CNBD1: variants seen among roughly 807,000 people sequenced by gnomAD.
The protein encoded by CNBD1 is cyclic nucleotide binding domain containing 1, also known as cyclic nucleotide-binding domain-containing protein 1.
Under a neutral mutation model 54.4 loss-of-function variants are expected in CNBD1, and 71 were observed. The ratio of observed to expected loss-of-function variants is 1.30; its 90% CI spans 1.08 to 1.59. The LOEUF (loss-of-function observed/expected upper bound fraction) is 1.59, where lower values mean the gene tolerates loss of function less well. Ranked by LOEUF, CNBD1 falls within the 40% of genes most tolerant of loss-of-function variation. CNBD1 has a pLI of 0.00. For missense variants in CNBD1, 659 were observed against 518.0 expected (o/e 1.27, Z -2.64); for synonymous variants, 182 against 170.7 (o/e 1.07, Z -0.51).
intron 4 of CNBD1, among the ~76,000 whole-genome samples, chr8:87,171,384 T>C (rs1813082420): frequency 6.6e-6 from 1 of 152,062 alleles, no homozygotes; most frequent in South Asian, 2.1e-4. Flanking sequence ...TTTTTATCTT[T>C]GATTTTATTT....
intron 4 of CNBD1, among the ~76,000 whole-genome samples, chr8:87,050,483 AAGAG>A (rs1024841678): frequency 6.6e-6 from 1 of 152,214 alleles, no homozygotes; most frequent in Non-Finnish European, 1.5e-5. Flanking sequence ...TGAGACAACT[AAGAG>A]AGATCTCTCA....
chr8:87,418,305 G>T (rs6468821), intron 2 of CNBD1, among the ~76,000 whole-genome samples: 2 of 151,608 alleles, frequency 1.3e-5, no homozygotes, highest in Admixed American at 6.6e-5. Flanking sequence ...TGAGACAACC[G>T]AATATTCACA....
At chr8:87,378,583 A>G (rs1375578176) in intron 10 of CNBD1, among the ~76,000 whole-genome samples, 1 of 149,880 alleles carries the variant, frequency 6.7e-6, no homozygotes, top group East Asian at 1.9e-4. Flanking sequence ...GAAGTCAGGT[A>G]GTGTGATGCC....
chr8:87,053,683 C>T (rs1810357192), intron 4 of CNBD1, among the ~76,000 whole-genome samples: 1 of 152,196 alleles, frequency 6.6e-6, no homozygotes, highest in East Asian at 1.9e-4. Flanking sequence ...AAGTCCCTAG[C>T]TCTCTGCTGG....
intron 3 of CNBD1, among the ~76,000 whole-genome samples, chr8:86,923,391 G>C (rs1197364144): frequency 6.6e-6 from 1 of 152,196 alleles, no homozygotes; most frequent in East Asian, 1.9e-4. Context: ...GTGGAAGGGA[G>C]GGTTGTAGGG....
intron 6 of CNBD1, among the ~76,000 whole-genome samples, chr8:87,282,708 A>G (rs920824876): frequency 7.9e-5 from 12 of 152,028 alleles, no homozygotes; most frequent in Non-Finnish European, 1.8e-4. Context: ...GAAAGCCTTA[A>G]TATTATTCAA....
At chr8:87,424,255 T>G (rs904733856) in intron 2 of CNBD1, among the ~76,000 whole-genome samples, 1 of 151,922 alleles carries the variant, frequency 6.6e-6, no homozygotes, top group Non-Finnish European at 1.5e-5. Flanking sequence ...TTTTGAAGGG[T>G]TTTTTGTGTC....
chr8:87,188,152 C>T (rs1429392826), intron 4 of CNBD1, among the ~76,000 whole-genome samples: 1 of 152,176 alleles, frequency 6.6e-6, no homozygotes, highest in Non-Finnish European at 1.5e-5. Flanking sequence ...CCACTGCCAA[C>T]TTATTCTTCA....
downstream of CNBD1, among the ~76,000 whole-genome samples, chr8:87,384,706 G>A (rs145826281): frequency 6.6e-6 from 1 of 152,260 alleles, no homozygotes; most frequent in Non-Finnish European, 1.5e-5. Flanking sequence ...AATGGGCATG[G>A]CTCCAGGTAT....
chr8:87,360,535 G>T (rs1005114288), intron 10 of CNBD1, among the ~76,000 whole-genome samples: 1 of 151,742 alleles, frequency 6.6e-6, no homozygotes, highest in Non-Finnish European at 1.5e-5. Flanking sequence ...TCCAGATGCA[G>T]AGCTTATTAC....
chr8:86,993,840 G>A (rs1192199333), intron 4 of CNBD1, among the ~76,000 whole-genome samples: 1 of 152,228 alleles, frequency 6.6e-6, no homozygotes, highest in Non-Finnish European at 1.5e-5. Context: ...TGCATTAACA[G>A]CCATGCTCTT....
At chr8:86,955,989 T>C (rs1402933530) in intron 4 of CNBD1, among the ~76,000 whole-genome samples, 1 of 152,160 alleles carries the variant, frequency 6.6e-6, no homozygotes, top group Non-Finnish European at 1.5e-5. Flanking sequence ...CTTTAATCCA[T>C]CTTGAATTAA....
Position 87,323,960 on chromosome 8 carries a change from A to G in CNBD1, c.1043-27725A>G, listed in dbSNP as rs1469599425. Among the ~76,000 whole-genome samples, 6 of 138,480 alleles carry G rather than the reference A, an allele frequency of 4.3e-5. No individual in the cohort carries two copies. In the East Asian group the frequency reaches 1.2e-3, roughly 28 times the overall value. The allele number at this position is 138,480 out of a possible 152,430, so 90.8% of individuals were successfully genotyped here. A position where few individuals can be genotyped will look rare whatever the true frequency, so the allele number is the denominator to read the frequency against. On this transcript the variant is annotated intron_variant, in intron 8 of 10. Transcript: ENST00000518476. ...GGGTTTGCCATAGATAGCTCTTATT[A>G]TTTTGAAATACGTCCCATCAATACC...
At chr8:86,962,843 C>T (rs1345431138) in intron 4 of CNBD1, among the ~76,000 whole-genome samples, 1 of 151,980 alleles carries the variant, frequency 6.6e-6, no homozygotes, top group Non-Finnish European at 1.5e-5. Context: ...CTGGCAAGAA[C>T]CTTTACCCTT....
chr8:86,960,608 C>G (rs1393666522), intron 4 of CNBD1, among the ~76,000 whole-genome samples: 2 of 152,198 alleles, frequency 1.3e-5, no homozygotes, highest in Non-Finnish European at 2.9e-5. Context: ...ACTTAAACGT[C>G]CCTGTCTGAC....
chr8:87,025,212 C>G (rs1395907768), intron 4 of CNBD1, among the ~76,000 whole-genome samples: 1 of 152,078 alleles, frequency 6.6e-6, no homozygotes, highest in Admixed American at 6.5e-5. Flanking sequence ...TAAAATGGAC[C>G]AATCAGCGCT....
chr8:87,080,675 T>C (rs1278610475), intron 4 of CNBD1, among the ~76,000 whole-genome samples: 1 of 152,218 alleles, frequency 6.6e-6, no homozygotes, highest in Non-Finnish European at 1.5e-5. Context: ...TTTGCCAGTG[T>C]TGTGAACTTG....
At chr8:87,232,036 C>T (rs746623710) in intron 5 of CNBD1, among the ~76,000 whole-genome samples, 1 of 151,990 alleles carries the variant, frequency 6.6e-6, no homozygotes, top group Non-Finnish European at 1.5e-5. Context: ...CAGCATGTAC[C>T]CTTTTGTGAA....
At chr8:87,192,303 G>A (rs1422723470) in intron 4 of CNBD1, among the ~76,000 whole-genome samples, 1 of 152,010 alleles carries the variant, frequency 6.6e-6, no homozygotes, top group Non-Finnish European at 1.5e-5. Flanking sequence ...CACCAAATTT[G>A]TAATTTATAA....
Sources: gnomAD v4.1 joint callset for allele counts (sites outside exome capture counted in the v4.1 genomes callset) on GRCh38, gnomAD v4.1.1 for gene constraint, MANE v1.5 for transcripts, NCBI Gene and HGNC (gene_info 2026-07-23, HGNC 2026-07-21) for gene names.